RNF213: variants seen among roughly 807,000 people sequenced by gnomAD.
RNF213 encodes ring finger protein 213.
In RNF213, 341 loss-of-function variants were observed where a neutral mutation model predicts 514.4. That is an observed-to-expected ratio of 0.66 (90% confidence interval 0.61 to 0.73). RNF213 has a LOEUF of 0.73. RNF213 is among the 30% of genes least tolerant of loss of function. The pLI is 0.00. For missense variants in RNF213, 5,767 were observed against 6,615.6 expected, an observed-to-expected ratio of 0.87 and a Z score of 4.45; for synonymous variants, 2,655 against 2,658.2, an observed-to-expected ratio of 1.00 and a Z score of 0.04.
chr17:80,381,990 G>A (rs778054702), intron 57 of RNF213: 8 of 491,744 alleles, frequency 1.6e-5, no homozygotes, highest in Non-Finnish European at 2.6e-5. Context: ...GCTAAGACCT[G>A]CGGTATTCGG....
At chr17:80,365,797 G>A (rs754528876) in intron 42 of RNF213, among the ~76,000 whole-genome samples, 2 of 152,170 alleles carry the variant, frequency 1.3e-5, no homozygotes, top group Non-Finnish European at 2.9e-5. Flanking sequence ...ATGTCTCGGC[G>A]CTCTGGGAGA....
chr17:80,361,740 C>T lies in RNF213; in HGVS notation c.11207C>T (p.Pro3736Leu), dbSNP rs761944656. The change falls in exon 39 of 68, where the codon CCC becomes CTC. Residue 3736 changes from proline (P) to leucine (L), a missense_variant. Pro to Leu is a moderately conservative substitution (Grantham distance 98). Around this residue, in one of 13 missense-constraint regions of RNF213, gnomAD observed 355 missense variants for 358.0 expected, o/e 0.99. Transcript: ENST00000582970. ...CTTGGTTTCCTCTCTGCAGGACTGC[C>T]CAAGAAGTTCGTGGACATCTTTCAG... Reference protein sequence around the residue: ...AQYITDAEGLPKKFVDIFQQT... With the variant: ...AQYITDAEGLLKKFVDIFQQT... 3 of 1,613,522 alleles carry T rather than the reference C, an allele frequency of 1.9e-6. No homozygotes were observed. In the Admixed American group the frequency reaches 5.0e-5, roughly 27 times the overall value.
intron 17 of RNF213, chr17:80,319,804 G>T (rs1291249290): frequency 5.7e-6 from 7 of 1,221,094 alleles, no homozygotes; most frequent in Middle Eastern, 3.5e-4. Context: ...GAACAGTCTC[G>T]CAGGCAATGC....
intron 59 of RNF213, 71 bp from the exon 60 acceptor site, chr17:80,384,968 C>CA (rs1171126589): frequency 1.1e-5 from 17 of 1,533,726 alleles, no homozygotes; most frequent in Admixed American, 6.7e-5. Context: ...CAGCCAGTCT[C>CA]AAAGTCTGTA....
Position 80,295,618 on chromosome 17 carries a change from G to A in RNF213, c.1817G>A (p.Ser606Asn), listed in dbSNP as rs1453471999. The stretch of plus-strand genomic sequence containing the variant: ...GTGGTACCATTGCCGGACGGAAAAA[G>A]CACGGACTTTTTGCCTGTGGACTGC... Reference protein sequence around the residue: ...KHVVPLPDGKSTDFLPVDCPV... With the variant: ...KHVVPLPDGKNTDFLPVDCPV... Residue 606 changes from serine to asparagine, a missense_variant, in exon 10 of 68, where the codon AGC (serine) becomes AAC (asparagine). This residue lies in a region of RNF213 where 592 missense variants were observed against 673.9 expected (regional missense o/e 0.88). Transcript: ENST00000582970. The A allele has an allele frequency of 1.2e-6, 2 of 1,614,168 alleles. No individual in the cohort carries two copies. Among genetic ancestry groups the A allele is most frequent in the Non-Finnish European group, 8.5e-7 (1 of 1,180,008 alleles).
chr17:80,362,982 T>C, intron 39 of RNF213, 120 bp from the exon 40 acceptor site: 1 of 966,254 alleles, frequency 1.0e-6, no homozygotes, highest in Non-Finnish European at 1.6e-6. Context: ...CGGGACAGAA[T>C]AGCACACATG....
chr17:80,357,772 G>T (rs191078009), intron 36 of RNF213, among the ~76,000 whole-genome samples: 1 of 152,262 alleles, frequency 6.6e-6, no homozygotes, highest in Admixed American at 6.5e-5. Context: ...AGGAGTTTGA[G>T]ACCAGCCAGC....
rs1179796437 is a variant in RNF213 at position 80,344,734 on chromosome 17, G to C, written c.6399G>C (p.Arg2133Ser). ...FLDIFPKVTC[R>S]PPKEVIDMEL... The stretch of plus-strand genomic sequence containing the variant: ...ACATCTTCCCAAAAGTCACCTGCAG[G>C]CCTCCCAAAGAGGTGATAGACATGG... The change falls in exon 29 of 68, where the codon AGG becomes AGC. Residue 2133 changes from arginine (R) to serine (S), a missense_variant. Arg to Ser is a moderately radical substitution (Grantham distance 110). Transcript: ENST00000582970. 1 of 1,614,110 alleles carries C rather than the reference G, an allele frequency of 6.2e-7. No individual in the cohort carries two copies.
At chr17:80,337,511 G>A (rs1412891223) in intron 23 of RNF213, 75 bp from the exon 24 acceptor site, 3 of 1,506,246 alleles carry the variant, frequency 2.0e-6, no homozygotes, top group Admixed American at 4.0e-5. Flanking sequence ...AGAGGCGGGA[G>A]GCCGACCACA....
At chr17:80,293,269 C>G (rs901487433) in intron 8 of RNF213, among the ~76,000 whole-genome samples, 4 of 151,644 alleles carry the variant, frequency 2.6e-5, no homozygotes, top group Admixed American at 1.3e-4. Flanking sequence ...GCTGTGTTGC[C>G]CAGTCTGGTC....
chr17:80,312,139 AAAAAAG>A (rs1230027913), intron 14 of RNF213, among the ~76,000 whole-genome samples: 1 of 152,072 alleles, frequency 6.6e-6, no homozygotes, highest in Non-Finnish European at 1.5e-5. Flanking sequence ...AAAAAAAGAA[AAAAAAG>A]AAAAAGAAAA....
In RNF213 at chr17:80,332,025, A is replaced by G. The variant is rs370767936; in HGVS notation, c.3537A>G (p.Ala1179=). ...CTAAAGTGGACTTTGGAGTGCTTGCAGTAAGACACTCACAAGACCTCAGCA... is the reference window on the plus strand; with the variant it reads ...CTAAAGTGGACTTTGGAGTGCTTGCGGTAAGACACTCACAAGACCTCAGCA... ...HLIQVDFGVL[A]VRHSQDLSSK... Residue 1179 remains alanine (A), a synonymous_variant, in exon 21 of 68, where the codon GCA becomes GCG. Transcript: ENST00000582970. 1.3e-6 allele frequency: 2 copies of G among 1,536,518 alleles called. No homozygotes were observed. Among genetic ancestry groups the G allele is most frequent in the East Asian group, 2.4e-5 (1 of 40,910 alleles).
intron 11 of RNF213, among the ~76,000 whole-genome samples, chr17:80,300,212 A>AT (rs796643395): frequency 5.9e-5 from 9 of 151,528 alleles, no homozygotes; most frequent in African/African-American, 1.9e-4. Context: ...AGCATCTGTT[A>AT]TTTTTTTACC....
At chr17:80,324,450 C>T (rs2046227113) in intron 17 of RNF213, among the ~76,000 whole-genome samples, 3 of 152,106 alleles carry the variant, frequency 2.0e-5, no homozygotes, top group Non-Finnish European at 4.4e-5. Context: ...TGTATAGTTC[C>T]TTTAACATGG....
At chr17:80,297,642 C>G (rs1189771510) in intron 10 of RNF213, among the ~76,000 whole-genome samples, 1 of 151,316 alleles carries the variant, frequency 6.6e-6, no homozygotes, top group Non-Finnish European at 1.5e-5. Context: ...AAAAAACTAG[C>G]CAGGCATGGT....
rs896656362 is a variant in RNF213 at position 80,386,391 on chromosome 17, T to C, written c.14681T>C (p.Ile4894Thr). The C allele has an allele frequency of 1.9e-6, 3 of 1,614,126 alleles. No homozygotes were observed. Among genetic ancestry groups the C allele is most frequent in the South Asian group, 1.1e-5 (1 of 91,082 alleles). ...VSYLIRLHNE[I>T]VYAVEKLSKE... ...TACTTGATTCGCCTACACAATGAAA[T>C]TGTCTACGCCGTGGAAAAACTCTCC... Residue 4894 changes from isoleucine to threonine, a missense_variant, in exon 62 of 68, where the codon ATT (isoleucine) becomes ACT (threonine). Transcript: ENST00000582970.
intron 40 of RNF213, 22 bp from the exon 41 acceptor site, chr17:80,363,587 G>GC: frequency 6.2e-7 from 1 of 1,612,352 alleles, no homozygotes; most frequent in Non-Finnish European, 8.5e-7. Flanking sequence ...GCTCAGCCAC[G>GC]CCCTGCTGTC....
chr17:80,333,144 G>T (rs1231699242), intron 21 of RNF213, among the ~76,000 whole-genome samples: 1 of 151,400 alleles, frequency 6.6e-6, no homozygotes, highest in South Asian at 2.1e-4. Flanking sequence ...CGCCTCCCAG[G>T]TTCACGCCAT....
At chr17:80,306,718 G>A (rs2143579494) in intron 12 of RNF213, among the ~76,000 whole-genome samples, 1 of 152,150 alleles carries the variant, frequency 6.6e-6, no homozygotes, top group South Asian at 2.1e-4. Context: ...TGGGCGTGGT[G>A]GTGGGTACCT....
Sources: gnomAD v4.1 joint callset for allele counts (sites outside exome capture counted in the v4.1 genomes callset) on GRCh38, gnomAD v4.1.1 for gene constraint, gnomAD v4.1.1 regional missense constraint, MANE v1.5 for transcripts, NCBI Gene and HGNC (gene_info 2026-07-23, HGNC 2026-07-21) for gene names.